The following ST6GAL1 variants were observed in gnomAD, a reference collection of about 807,000 sequenced individuals.
ST6GAL1 encodes ST6 beta-galactoside alpha-2,6-sialyltransferase 1.
ST6GAL1 carries 20 observed loss-of-function variants against 38.0 expected under a neutral mutation model. That is an observed-to-expected ratio of 0.53 (90% confidence interval 0.37 to 0.77). The LOEUF is 0.77. Among genes scored for constraint, ST6GAL1 ranks in the 30% least tolerant of loss-of-function variants. The pLI is 0.00. For synonymous variants in ST6GAL1, 196 were observed against 188.2 expected (o/e 1.04, Z -0.34); for missense variants, 432 against 496.4 (o/e 0.87, Z 1.23).
chr3:187,061,913 ACT>A (rs1474775826), intron 5 of ST6GAL1, among the ~76,000 whole-genome samples: 1 of 152,210 alleles, frequency 6.6e-6, no homozygotes, highest in Non-Finnish European at 1.5e-5. Flanking sequence ...ATCAAAAGAT[ACT>A]CTCAACAGAG....
chr3:186,978,635 T>TTA (rs1186447161), intron 2 of ST6GAL1, among the ~76,000 whole-genome samples: 2 of 152,230 alleles, frequency 1.3e-5, no homozygotes, highest in Non-Finnish European at 2.9e-5. Context: ...AAGCTCCTTT[T>TTA]TAGTGCTGGG....
chr3:187,023,763 T>C (rs1717415468), intron 2 of ST6GAL1, among the ~76,000 whole-genome samples: 3 of 151,900 alleles, frequency 2.0e-5, no homozygotes, highest in Admixed American at 2.0e-4. Context: ...AGGGATAGCA[T>C]TAGGAGATAT....
intron 5 of ST6GAL1, among the ~76,000 whole-genome samples, chr3:187,069,680 T>A (rs1719295894): frequency 6.6e-6 from 1 of 152,236 alleles, no homozygotes; most frequent in African/African-American, 2.4e-5. Flanking sequence ...TAAAACCCTT[T>A]CCTGGTCCCC....
At chr3:187,072,591 C>T (rs1395605657) in intron 5 of ST6GAL1, 10 of 417,124 alleles carry the variant, frequency 2.4e-5, no homozygotes, top group East Asian at 2.1e-4. Flanking sequence ...CCCTTGCCCC[C>T]GTAATCTCAA....
chr3:186,937,242 C>T (rs948201118), intron 1 of ST6GAL1, among the ~76,000 whole-genome samples: 7 of 152,074 alleles, frequency 4.6e-5, no homozygotes, highest in Admixed American at 3.3e-4. Flanking sequence ...ATCAGCTGTT[C>T]GGCGTCTCCA....
chr3:186,989,332 G>A (rs969453030), intron 2 of ST6GAL1, among the ~76,000 whole-genome samples: 7 of 152,182 alleles, frequency 4.6e-5, no homozygotes, highest in African/African-American at 1.7e-4. Flanking sequence ...GATACTTAGG[G>A]GAATGGGGAA....
At chr3:187,036,066 AC>A (rs1364588395) in intron 2 of ST6GAL1, among the ~76,000 whole-genome samples, 3 of 152,234 alleles carry the variant, frequency 2.0e-5, no homozygotes, top group Non-Finnish European at 4.4e-5. Context: ...CAAGCAAAAA[AC>A]AAATAACAAC....
At chr3:187,074,811 G>A (rs1719507415) in intron 7 of ST6GAL1, among the ~76,000 whole-genome samples, 1 of 152,064 alleles carries the variant, frequency 6.6e-6, no homozygotes, top group Non-Finnish European at 1.5e-5. Context: ...TACAATTTAA[G>A]GGCGTACCCC....
At position 187,076,044 on chromosome 3, in the gene ST6GAL1, T is replaced by C. The variant is rs890287880; in HGVS notation, c.*241T>C. ...CACACACATGCACACATATCTAGCA[T>C]TCTTTCCAGACAGCATCCTCCCCGC... On this transcript the variant is annotated 3_prime_UTR_variant, in exon 8 of 8. Coordinates refer to ENST00000169298, the MANE Select transcript of ST6GAL1 (RefSeq NM_173216.2). The C allele has an allele frequency of 1.3e-5, 7 of 524,668 alleles. No homozygotes were observed. The highest frequency in any genetic ancestry group is 2.0e-5 in the Non-Finnish European group (6 of 299,276). 32.5% of individuals were successfully genotyped at this position (524,668 alleles called of 1,614,324 possible). A position where few individuals can be genotyped will look rare whatever the true frequency, so the allele number is the denominator to read the frequency against.
intron 1 of ST6GAL1, among the ~76,000 whole-genome samples, chr3:186,956,550 G>A (rs76885824): frequency 6.6e-6 from 1 of 152,292 alleles, no homozygotes. Context: ...GAGGCCTCTC[G>A]CTGCTCCCAG....
In ST6GAL1 at chr3:187,043,310, G is replaced by A. The variant is rs200944757; in HGVS notation, c.607G>A (p.Asp203Asn). The A allele has an allele frequency of 1.9e-6, 3 of 1,611,742 alleles. No homozygotes were observed. Among genetic ancestry groups the A allele is most frequent in the African/African-American group, 1.3e-5 (1 of 74,874 alleles). The change falls in exon 4 of 8, where the codon GAT (aspartate) becomes AAT (asparagine). Residue 203 changes from aspartate to asparagine, a missense_variant and splice_region_variant. Coordinates refer to ENST00000169298, the MANE Select transcript of ST6GAL1 (RefSeq NM_173216.2). Reference protein sequence around the residue: ...LKSSQLGREIDDHDAVLRFNG... With the variant: ...LKSSQLGREINDHDAVLRFNG... ...GTCCTCCCAACTAGGCAGAGAAATC[G>A]GTATGTTCTGGGGTTGTTCTGTGAA...
At chr3:186,988,081 T>C (rs1158021058) in intron 2 of ST6GAL1, among the ~76,000 whole-genome samples, 1 of 152,188 alleles carries the variant, frequency 6.6e-6, no homozygotes, top group Non-Finnish European at 1.5e-5. Context: ...ATCTCCTCAG[T>C]GGTCAGGCAT....
chr3:187,051,921 A>G (rs189911547), intron 5 of ST6GAL1, among the ~76,000 whole-genome samples: 2 of 152,300 alleles, frequency 1.3e-5, no homozygotes, highest in Admixed American at 6.5e-5. Flanking sequence ...TTCTGTTAGT[A>G]TATTTTATTA....
chr3:186,979,768 T>C (rs574634950), intron 2 of ST6GAL1, among the ~76,000 whole-genome samples: 2 of 152,262 alleles, frequency 1.3e-5, no homozygotes, highest in South Asian at 4.2e-4. Flanking sequence ...TTCCGAGAAG[T>C]TGCTGTGTAG....
At chr3:187,006,817 GA>G (rs1293300884) in intron 2 of ST6GAL1, among the ~76,000 whole-genome samples, 1 of 152,118 alleles carries the variant, frequency 6.6e-6, no homozygotes, top group Admixed American at 6.5e-5. Flanking sequence ...AGAGAATCGT[GA>G]AAAAAATTTG....
intron 2 of ST6GAL1, among the ~76,000 whole-genome samples, chr3:187,011,276 G>T (rs191533341): frequency 1.1e-3 from 173 of 152,348 alleles, no homozygotes; most frequent in Non-Finnish European, 2.1e-3. Context: ...TGGGATTACA[G>T]GCGTGAGCCA....
chr3:187,051,407 G>A (rs1043126014), intron 5 of ST6GAL1, 61 bp downstream of exon 5: 2 of 1,490,450 alleles, frequency 1.3e-6, no homozygotes, highest in Non-Finnish European at 9.3e-7. Context: ...GCTCTAATGT[G>A]GAATGTATCT....
rs1260459615 is a variant in ST6GAL1 at position 187,040,495 on chromosome 3, GTTGA to G, written c.-51+1623_-51+1626del. ...ATTCTGGTTCTAGAACTGACTTGCT[GTTGA>G]CATTGGAGAAACCCTATAACCTTGC... On this transcript the variant is annotated intron_variant, in intron 3 of 7. Coordinates refer to ENST00000169298, the MANE Select transcript of ST6GAL1 (RefSeq NM_173216.2). Among the ~76,000 whole-genome samples, 9 of 152,328 alleles carry G rather than the reference GTTGA, an allele frequency of 5.9e-5. No individual in the cohort carries two copies. The East Asian group carries it at 1.7e-3, about 29-fold the overall frequency.
At chr3:187,058,630 C>A (rs888617907) in intron 5 of ST6GAL1, among the ~76,000 whole-genome samples, 2 of 89,716 alleles carry the variant, frequency 2.2e-5, no homozygotes, top group African/African-American at 1.3e-4. Flanking sequence ...TTTGGTATTA[C>A]TTTTATTATT....
Sources: allele counts gnomAD v4.1 joint callset (sites outside exome capture counted in the v4.1 genomes callset), GRCh38; gene constraint gnomAD v4.1.1; transcripts MANE v1.5; gene names NCBI Gene and HGNC (gene_info 2026-07-23, HGNC 2026-07-21).